Variants in RORA observed in about 807,000 individuals in gnomAD.
The protein encoded by RORA is RAR related orphan receptor A.
RORA carries 7 observed loss-of-function variants against 69.5 expected under a neutral mutation model. The ratio of observed to expected loss-of-function variants is 0.10; its 90% CI spans 0.06 to 0.19. The LOEUF is 0.19. Among genes scored for constraint, RORA ranks in the 10% least tolerant of loss-of-function variants. The pLI is 1.00. For missense variants in RORA, 457 were observed against 663.0 expected (o/e 0.69, Z 3.41); for synonymous variants, 261 against 240.8 (o/e 1.08, Z -0.78).
At chr15:61,059,943 AGAAGAAGAAGAAGAAGAAGAG>A (rs1442999640) in intron 1 of RORA, among the ~76,000 whole-genome samples, 16 of 134,022 alleles carry the variant, frequency 1.2e-4, no homozygotes, top group African/African-American at 3.8e-4. Flanking sequence ...AACAAGAAGA[AGAAGAAGAAGAAGAAGAAGAG>A]GAAGAGGAAG....
At chr15:60,764,862 G>C (rs1394966408) in intron 1 of RORA, 1 of 151,664 alleles carries the variant, frequency 6.6e-6, no homozygotes, top group Admixed American at 6.6e-5. Context: ...GAAATGCCTT[G>C]TCATTTAAGA....
chr15:61,177,432 T>A (rs890265509), intron 1 of RORA, among the ~76,000 whole-genome samples: 3 of 152,172 alleles, frequency 2.0e-5, no homozygotes, highest in Non-Finnish European at 4.4e-5. Flanking sequence ...ACTTTATAAA[T>A]CACTGTATTA....
At chr15:60,716,523 C>T (rs1271958069) in intron 1 of RORA, among the ~76,000 whole-genome samples, 2 of 152,128 alleles carry the variant, frequency 1.3e-5, no homozygotes, top group East Asian at 1.9e-4. Context: ...GTGGTGTGAT[C>T]ATATATATTG....
At chr15:60,582,643 A>G (rs1462326554) in intron 2 of RORA, among the ~76,000 whole-genome samples, 2 of 152,224 alleles carry the variant, frequency 1.3e-5, no homozygotes, top group African/African-American at 4.8e-5. Flanking sequence ...TTTCTCAACC[A>G]GAATTATCTG....
chr15:60,835,988 A>G (rs1474230571), intron 1 of RORA, among the ~76,000 whole-genome samples: 3 of 152,234 alleles, frequency 2.0e-5, no homozygotes, highest in Non-Finnish European at 4.4e-5. Context: ...ATGAATACCT[A>G]GAGTGTTGCC....
At chr15:60,510,216 C>A (rs1347590831) in intron 5 of RORA, among the ~76,000 whole-genome samples, 1 of 152,168 alleles carries the variant, frequency 6.6e-6, no homozygotes, top group African/African-American at 2.4e-5. Context: ...ATTGACATAT[C>A]CCAAAGGATT....
At chr15:61,153,940 A>C (rs1370321979) in intron 1 of RORA, among the ~76,000 whole-genome samples, 2 of 152,210 alleles carry the variant, frequency 1.3e-5, no homozygotes, top group Non-Finnish European at 2.9e-5. Flanking sequence ...AGGCCAAGCC[A>C]CTTCTAGCCA....
At chr15:60,976,397 G>A (rs1893873906) in intron 1 of RORA, among the ~76,000 whole-genome samples, 2 of 152,166 alleles carry the variant, frequency 1.3e-5, no homozygotes, top group African/African-American at 4.8e-5. Context: ...ATAAAATGAG[G>A]AAGCCAGACT....
chr15:61,175,386 G>T (rs2079618721), intron 1 of RORA, among the ~76,000 whole-genome samples: 1 of 151,982 alleles, frequency 6.6e-6, no homozygotes, highest in Admixed American at 6.6e-5. Flanking sequence ...AAGGAGACTA[G>T]GGAGTTCCCT....
chr15:60,828,903 C>T (rs566574707), intron 1 of RORA, among the ~76,000 whole-genome samples: 1 of 152,310 alleles, frequency 6.6e-6, no homozygotes, highest in Admixed American at 6.5e-5. Flanking sequence ...AACTCATTTA[C>T]TTTCATCTTG....
chr15:60,913,753 T>C (rs1243998362), intron 1 of RORA, among the ~76,000 whole-genome samples: 4 of 152,196 alleles, frequency 2.6e-5, no homozygotes, highest in Non-Finnish European at 5.9e-5. Flanking sequence ...GGATTTACTG[T>C]ATAGGGTGTC....
intron 1 of RORA, among the ~76,000 whole-genome samples, chr15:60,924,053 C>T (rs538833745): frequency 1.3e-5 from 2 of 152,322 alleles, no homozygotes; most frequent in Middle Eastern, 6.8e-3. Context: ...CCACTGAAAA[C>T]TTCCCAAGTG....
intron 1 of RORA, among the ~76,000 whole-genome samples, chr15:61,034,080 TC>T (rs1364924668): frequency 6.6e-6 from 1 of 152,194 alleles, no homozygotes; most frequent in African/African-American, 2.4e-5. Context: ...CCATTATAGT[TC>T]AATTGGACAG....
intron 2 of RORA, among the ~76,000 whole-genome samples, chr15:60,545,528 T>C (rs935894807): frequency 1.3e-5 from 2 of 152,188 alleles, no homozygotes; most frequent in Non-Finnish European, 2.9e-5. Context: ...ACACTGTCAG[T>C]AGCAAAACAG....
intron 1 of RORA, among the ~76,000 whole-genome samples, chr15:60,879,192 G>T (rs1227426136): frequency 6.6e-6 from 1 of 152,174 alleles, no homozygotes; most frequent in Non-Finnish European, 1.5e-5. Context: ...ATCTTTGTAG[G>T]GGAGCAGGGG....
chr15:60,885,055 C>A (rs2073736595), intron 1 of RORA, among the ~76,000 whole-genome samples: 1 of 152,202 alleles, frequency 6.6e-6, no homozygotes, highest in Non-Finnish European at 1.5e-5. Flanking sequence ...GCGTATATGA[C>A]TGTAGTAGAT....
chr15:61,189,653 C>T (rs1283815423), intron 1 of RORA, among the ~76,000 whole-genome samples: 1 of 151,942 alleles, frequency 6.6e-6, no homozygotes, highest in African/African-American at 2.4e-5. Context: ...GTCAGGAGAT[C>T]AAGACCATCC....
At chr15:60,847,409 C>T (rs1472613880) in intron 1 of RORA, among the ~76,000 whole-genome samples, 1 of 152,078 alleles carries the variant, frequency 6.6e-6, no homozygotes, top group African/African-American at 2.4e-5. Flanking sequence ...CCATCCCCTA[C>T]TTCCTGTGGC....
chr15:60,579,292 TGGG>T (rs1358594336), intron 2 of RORA, among the ~76,000 whole-genome samples: 1 of 152,170 alleles, frequency 6.6e-6, no homozygotes. Context: ...GAGAGGGCCT[TGGG>T]GCCCCGCAGG....
Sources: gnomAD v4.1 joint callset for allele counts (sites outside exome capture counted in the v4.1 genomes callset) on GRCh38, gnomAD v4.1.1 for gene constraint, MANE v1.5 for transcripts, NCBI Gene and HGNC (gene_info 2026-07-23, HGNC 2026-07-21) for gene names.